RIMS2: variants seen among roughly 807,000 people sequenced by gnomAD.
RIMS2 encodes regulating synaptic membrane exocytosis 2.
A neutral mutation model predicts 174.4 loss-of-function variants in RIMS2; 59 were observed. The ratio of observed to expected loss-of-function variants is 0.34; its 90% confidence interval spans 0.27 to 0.42. The LOEUF (loss-of-function observed/expected upper bound fraction) is 0.42, where lower values mean the gene tolerates loss of function less well. RIMS2 is among the 10% of genes least tolerant of loss of function. The pLI is 1.00. For synonymous variants in RIMS2, 606 were observed against 572.5 expected, an observed-to-expected ratio of 1.06 and a Z score of -0.84; for missense variants, 1,620 against 1,666.3, an observed-to-expected ratio of 0.97 and a Z score of 0.48.
chr8:104,048,441 A>AC (rs1327711339), intron 19 of RIMS2, among the ~76,000 whole-genome samples: 2 of 152,168 alleles, frequency 1.3e-5, no homozygotes, highest in African/African-American at 4.8e-5. Flanking sequence ...TTATAAAAAA[A>AC]CCATGGTAAG....
chr8:104,149,816 G>A (rs1321632941), intron 19 of RIMS2, among the ~76,000 whole-genome samples: 4 of 152,006 alleles, frequency 2.6e-5, no homozygotes, highest in African/African-American at 9.7e-5. Flanking sequence ...TTTGCAAACC[G>A]TACTTGTGAT....
At chr8:103,600,839 T>C (rs565883170) in intron 1 of RIMS2, among the ~76,000 whole-genome samples, 12 of 152,328 alleles carry the variant, frequency 7.9e-5, no homozygotes, top group African/African-American at 2.9e-4. Flanking sequence ...TCCCTTTTTT[T>C]TCACATCCTC....
At chr8:103,895,253 A>T (rs568237772) in intron 4 of RIMS2, among the ~76,000 whole-genome samples, 2 of 149,512 alleles carry the variant, frequency 1.3e-5, no homozygotes, top group African/African-American at 5.0e-5. Flanking sequence ...CCTCTGTTCC[A>T]CTGAGAGTCC....
intron 3 of RIMS2, among the ~76,000 whole-genome samples, chr8:103,815,950 CT>C (rs2098715508): frequency 6.6e-6 from 1 of 152,116 alleles, no homozygotes; most frequent in African/African-American, 2.4e-5. Context: ...AGTAAATATG[CT>C]GAGGTAATAC....
intron 19 of RIMS2, among the ~76,000 whole-genome samples, chr8:104,175,513 C>G (rs1313259350): frequency 1.3e-5 from 2 of 152,132 alleles, no homozygotes; most frequent in Admixed American, 6.5e-5. Context: ...TGTAATCACT[C>G]TGTTGTGCTA....
intron 19 of RIMS2, among the ~76,000 whole-genome samples, chr8:104,185,463 C>T (rs552558640): frequency 6.6e-6 from 1 of 151,608 alleles, no homozygotes; most frequent in Non-Finnish European, 1.5e-5. Flanking sequence ...AAAATTCTGA[C>T]AAGAGGCGCT....
chr8:103,601,267 G>T (rs1403775539), intron 1 of RIMS2, among the ~76,000 whole-genome samples: 1 of 152,032 alleles, frequency 6.6e-6, no homozygotes, highest in Non-Finnish European at 1.5e-5. Flanking sequence ...ATGGTGCATT[G>T]TTGAAGTCTC....
At position 103,752,864 on chromosome 8, in the gene RIMS2, A is replaced by G. The variant is rs1185036171; in HGVS notation, c.388-13363A>G. 5.3e-5 allele frequency among the ~76,000 whole-genome samples: 8 copies of G among 152,120 alleles called. No individual in the cohort carries two copies. In the South Asian group the frequency reaches 1.7e-3, roughly 32 times the overall value. Reference sequence around the variant, plus strand: ...ACAATGGGGGTTTTCTATATATACAATCATGTCATCTGCAAACAGGGACAA... The same window carrying G: ...ACAATGGGGGTTTTCTATATATACAGTCATGTCATCTGCAAACAGGGACAA... On this transcript the variant is annotated intron_variant, in intron 2 of 23. Transcript: ENST00000504942.
intron 4 of RIMS2, among the ~76,000 whole-genome samples, chr8:103,888,209 T>G (rs1053766508): frequency 3.3e-5 from 5 of 151,478 alleles, no homozygotes; most frequent in Admixed American, 6.6e-5. Flanking sequence ...TGGGGAGAGA[T>G]AAACTATTCA....
At chr8:103,608,975 G>A (rs993940146) in intron 1 of RIMS2, among the ~76,000 whole-genome samples, 6 of 152,222 alleles carry the variant, frequency 3.9e-5, no homozygotes, top group Non-Finnish European at 8.8e-5. Context: ...GCTGGGAGCT[G>A]TAGACCGGAG....
intron 19 of RIMS2, among the ~76,000 whole-genome samples, chr8:104,204,826 G>A (rs756712770): frequency 6.6e-6 from 1 of 152,088 alleles, no homozygotes; most frequent in Non-Finnish European, 1.5e-5. Flanking sequence ...TTGCCTATAC[G>A]TTTTTTAAAT....
rs1243406088 is a variant in RIMS2 at position 104,073,394 on chromosome 8, A to G, written c.3334+58779A>G. ...CATAGCATTTCAACAAATAAGGCTC[A>G]TTCAACAAATAATGTTTATTGGCAC... On this transcript the variant is annotated intron_variant, in intron 19 of 23. Transcript: ENST00000504942. Among the ~76,000 whole-genome samples, 4 of 152,212 alleles carry G rather than the reference A, an allele frequency of 2.6e-5. No individual in the cohort carries two copies. The South Asian group carries it at 8.3e-4, about 32-fold the overall frequency.
At chr8:103,543,794 G>A (rs1843636251) in intron 1 of RIMS2, among the ~76,000 whole-genome samples, 1 of 152,194 alleles carries the variant, frequency 6.6e-6, no homozygotes. Flanking sequence ...TTACTCACAT[G>A]TAGAAGAATA....
At chr8:104,192,178 A>G (rs1040619028) in intron 19 of RIMS2, among the ~76,000 whole-genome samples, 1 of 152,228 alleles carries the variant, frequency 6.6e-6, no homozygotes, top group Non-Finnish European at 1.5e-5. Flanking sequence ...TGAAATGCAA[A>G]TATCAACAGT....
At chr8:103,656,966 G>C (rs1312516186) in intron 1 of RIMS2, among the ~76,000 whole-genome samples, 2 of 152,116 alleles carry the variant, frequency 1.3e-5, no homozygotes, top group African/African-American at 4.8e-5. Flanking sequence ...CATGCCTCCA[G>C]CTGGGGGAGG....
intron 1 of RIMS2, among the ~76,000 whole-genome samples, chr8:103,511,631 A>G (rs1826484896): frequency 6.6e-6 from 1 of 152,222 alleles, no homozygotes; most frequent in African/African-American, 2.4e-5. Context: ...GCATGTAAAG[A>G]TTAAAAGTAG....
intron 2 of RIMS2, among the ~76,000 whole-genome samples, chr8:103,753,927 C>G (rs61099915): frequency 0.12 from 18,869 of 152,110 alleles, 1,272 homozygotes; most frequent in Middle Eastern, 0.22. Flanking sequence ...TCTCTATCTC[C>G]TTCAGTTCTG....
intron 17 of RIMS2, among the ~76,000 whole-genome samples, chr8:104,001,345 C>T (rs1420932244): frequency 4.0e-5 from 6 of 151,756 alleles, no homozygotes; most frequent in Non-Finnish European, 2.9e-5. Context: ...GTAACAGTAC[C>T]CCATAAATAT....
chr8:103,549,682 G>A lies in RIMS2; in HGVS notation c.176+48620G>A, dbSNP rs189006946. 4.6e-3 allele frequency among the ~76,000 whole-genome samples: 698 copies of A among 152,270 alleles called. 24 individuals are homozygous for A. The highest frequency in any genetic ancestry group is 0.035 in the Admixed American group (535 of 15,286). ...TTAAAAGACACAGACTGGCAAATTGGATGAAGAGTCAAGACCCATCAGTGT... is the reference window on the plus strand; with the variant it reads ...TTAAAAGACACAGACTGGCAAATTGAATGAAGAGTCAAGACCCATCAGTGT... On this transcript the variant is annotated intron_variant, in intron 1 of 23. Transcript: ENST00000504942.
Sources: allele counts gnomAD v4.1 joint callset (sites outside exome capture counted in the v4.1 genomes callset), GRCh38; gene constraint gnomAD v4.1.1; transcripts MANE v1.5; gene names NCBI Gene and HGNC (gene_info 2026-07-23, HGNC 2026-07-21).